FBN1: variants seen among roughly 807,000 people sequenced by gnomAD.
FBN1 encodes fibrillin 1.
In FBN1, 29 loss-of-function variants were observed where a neutral mutation model predicts 365.1. The ratio of observed to expected loss-of-function variants is 0.08; its 90% CI spans 0.06 to 0.11. The LOEUF is 0.11. Ranked by LOEUF, FBN1 falls within the 10% of genes least tolerant of loss-of-function variation. FBN1 has a pLI of 1.00. For synonymous variants in FBN1, 1,210 were observed against 1,270.5 expected (o/e 0.95, Z 1.01); for missense variants, 2,476 against 3,703.2 (o/e 0.67, Z 8.60).
At position 48,408,814 on chromosome 15, in the gene FBN1, T is replaced by C. The variant is rs2042838348; in HGVS notation, c.*2176A>G. The C allele has an allele frequency of 6.5e-6, 1 of 152,678 alleles. No individual in the cohort carries two copies. The highest frequency in any genetic ancestry group is 1.5e-5 in the Non-Finnish European group (1 of 68,048). 9.5% of individuals were successfully genotyped at this position (152,678 alleles called of 1,614,324 possible). ...TTAAAAATATCAAAGTGATCCACTG[T>C]GTGCCAACTCCATTTTCCCCTGTTG... On this transcript the variant is annotated 3_prime_UTR_variant, in exon 66 of 66. Transcript: ENST00000316623.
intron 7 of FBN1, among the ~76,000 whole-genome samples, chr15:48,535,488 G>A (rs551276513): frequency 6.6e-6 from 1 of 152,256 alleles, no homozygotes; most frequent in African/African-American, 2.4e-5. Context: ...TAAAGTACAT[G>A]TACATTCTCT....
At chr15:48,510,592 T>A (rs934974479) in intron 13 of FBN1, among the ~76,000 whole-genome samples, 1 of 152,166 alleles carries the variant, frequency 6.6e-6, no homozygotes, top group African/African-American at 2.4e-5. Flanking sequence ...TTTTAAACAA[T>A]CACCTTAATT....
intron 64 of FBN1, among the ~76,000 whole-genome samples, chr15:48,414,928 C>T (rs1050234238): frequency 6.6e-6 from 1 of 150,512 alleles, no homozygotes. Flanking sequence ...CCTGCCCCAA[C>T]TCTCACACAG....
chr15:48,542,979 A>T (rs945389261), intron 6 of FBN1, among the ~76,000 whole-genome samples: 10 of 152,212 alleles, frequency 6.6e-5, no homozygotes, highest in Non-Finnish European at 1.5e-4. Context: ...CTGCCACTCG[A>T]CATAACCCAG....
At chr15:48,591,586 A>C (rs1340474567) in intron 6 of FBN1, among the ~76,000 whole-genome samples, 1 of 152,258 alleles carries the variant, frequency 6.6e-6, no homozygotes, top group Non-Finnish European at 1.5e-5. Flanking sequence ...GAATATTCCA[A>C]AACCCTACAT....
chr15:48,489,744 G>A (rs1272163648), intron 25 of FBN1, 107 bp downstream of exon 25: 23 of 900,756 alleles, frequency 2.6e-5, no homozygotes, highest in Admixed American at 4.0e-5. Context: ...AATTCAGAAA[G>A]CAAAAAGTCC....
At chr15:48,495,668 C>T in intron 20 of FBN1, 80 bp from the exon 21 acceptor site, 1 of 1,554,542 alleles carries the variant, frequency 6.4e-7, no homozygotes, top group Non-Finnish European at 8.9e-7. Flanking sequence ...ACCCCAATTG[C>T]TACTACATAT....
chr15:48,559,527 A>G (rs1369736889), intron 6 of FBN1, among the ~76,000 whole-genome samples: 1 of 152,196 alleles, frequency 6.6e-6, no homozygotes, highest in Non-Finnish European at 1.5e-5. Flanking sequence ...AGCAAAGCAC[A>G]GTTTTTACAA....
chr15:48,497,791 A>G (rs1446046693), intron 18 of FBN1, among the ~76,000 whole-genome samples: 1 of 152,198 alleles, frequency 6.6e-6, no homozygotes, highest in African/African-American at 2.4e-5. Context: ...CACTGCAACC[A>G]TTCTTACCAT....
chr15:48,517,684 T>G (rs531939621), intron 10 of FBN1, among the ~76,000 whole-genome samples: 1 of 152,226 alleles, frequency 6.6e-6, no homozygotes, highest in African/African-American at 2.4e-5. Flanking sequence ...CAAATAGCCA[T>G]GTTTTTTCAT....
intron 2 of FBN1, among the ~76,000 whole-genome samples, chr15:48,616,559 C>T (rs7167230): frequency 6.6e-6 from 1 of 152,132 alleles, no homozygotes; most frequent in Non-Finnish European, 1.5e-5. Context: ...ATGAGACATG[C>T]TGGATTATTT....
At chr15:48,481,843 G>A (rs1442048517) in intron 31 of FBN1, 63 bp from the exon 32 acceptor site, 26 of 1,474,472 alleles carry the variant, frequency 1.8e-5, no homozygotes, top group Admixed American at 3.4e-5. Flanking sequence ...CTTTCCCCTC[G>A]AGACATAATA....
intron 20 of FBN1, among the ~76,000 whole-genome samples, 158 bp downstream of exon 20, chr15:48,495,942 T>C (rs1324743635): frequency 1.3e-5 from 2 of 152,206 alleles, no homozygotes; most frequent in Middle Eastern, 3.2e-3. Context: ...CATAAGTGGC[T>C]TACAAAGTAC....
chr15:48,515,743 G>C (rs1044789271), intron 11 of FBN1, among the ~76,000 whole-genome samples: 3 of 152,180 alleles, frequency 2.0e-5, no homozygotes, highest in African/African-American at 7.2e-5. Context: ...GCTGCAGCCT[G>C]CTTTTCTCTG....
intron 29 of FBN1, 87 bp from the exon 30 acceptor site, chr15:48,485,583 G>A: frequency 1.4e-6 from 2 of 1,437,568 alleles, no homozygotes; most frequent in Non-Finnish European, 1.9e-6. Flanking sequence ...AACTGCCATT[G>A]TAACACTATT....
intron 6 of FBN1, among the ~76,000 whole-genome samples, chr15:48,538,260 G>A (rs866527462): frequency 2.6e-5 from 4 of 152,170 alleles, no homozygotes; most frequent in African/African-American, 9.7e-5. Context: ...TTAGGGCTGA[G>A]AAAGCAAAGA....
chr15:48,639,456 G>A (rs1890160213), intron 2 of FBN1, among the ~76,000 whole-genome samples: 1 of 152,118 alleles, frequency 6.6e-6, no homozygotes, highest in Non-Finnish European at 1.5e-5. Flanking sequence ...TTCCAGGGAC[G>A]CTGTCCTTCT....
At chr15:48,426,082 C>G (rs1035127147) in intron 58 of FBN1, among the ~76,000 whole-genome samples, 3 of 152,122 alleles carry the variant, frequency 2.0e-5, no homozygotes, top group African/African-American at 7.2e-5. Context: ...TAAAATAATT[C>G]AGCCACAGAA....
At chr15:48,560,186 G>A (rs934835537) in intron 6 of FBN1, among the ~76,000 whole-genome samples, 3 of 152,022 alleles carry the variant, frequency 2.0e-5, no homozygotes, top group African/African-American at 7.2e-5. Context: ...ACAAGAAGAC[G>A]AGCCAGGCAT....
Sources: gnomAD v4.1 joint callset for allele counts (sites outside exome capture counted in the v4.1 genomes callset) on GRCh38, gnomAD v4.1.1 for gene constraint, MANE v1.5 for transcripts, NCBI Gene and HGNC (gene_info 2026-07-23, HGNC 2026-07-21) for gene names.